CPED1: variants seen among roughly 807,000 people sequenced by gnomAD.
CPED1 encodes the protein cadherin like and PC-esterase domain containing 1.
Under a neutral mutation model 128.2 loss-of-function variants are expected in CPED1, and 114 were observed. That is an observed-to-expected ratio of 0.89 (90% CI 0.76 to 1.04). The LOEUF (loss-of-function observed/expected upper bound fraction) is 1.04. Among genes scored for constraint, CPED1 ranks in the 50% least tolerant of loss-of-function variants. The pLI, the probability that CPED1 is intolerant of heterozygous loss-of-function variation, is 0.00. For synonymous variants in CPED1, 462 were observed against 426.7 expected, an observed-to-expected ratio of 1.08 and a Z score of -1.02; for missense variants, 1,211 against 1,207.1, an observed-to-expected ratio of 1.00 and a Z score of -0.05.
chr7:121,016,834 GGGA>G (rs1178634318), intron 3 of CPED1, among the ~76,000 whole-genome samples: 3 of 152,128 alleles, frequency 2.0e-5, no homozygotes, highest in African/African-American at 7.2e-5. Flanking sequence ...TTATTAAAAG[GGGA>G]GGAGGAGAAG....
chr7:121,185,257 G>A (rs1796977313), intron 16 of CPED1, among the ~76,000 whole-genome samples: 1 of 152,082 alleles, frequency 6.6e-6, no homozygotes, highest in African/African-American at 2.4e-5. Context: ...TGAAATTATA[G>A]CAAATGCTGT....
intron 16 of CPED1, among the ~76,000 whole-genome samples, chr7:121,161,702 A>G (rs1796415825): frequency 6.6e-6 from 1 of 152,150 alleles, no homozygotes; most frequent in South Asian, 2.1e-4. Flanking sequence ...GCAAATCTAC[A>G]TTTCCCTGGG....
chr7:121,019,578 C>A (rs972964490), intron 3 of CPED1, among the ~76,000 whole-genome samples: 1 of 152,002 alleles, frequency 6.6e-6, no homozygotes. Flanking sequence ...TAAAACAATG[C>A]AACAGTCTGC....
chr7:121,281,725 T>G (rs1792468938), intron 22 of CPED1, among the ~76,000 whole-genome samples: 1 of 152,194 alleles, frequency 6.6e-6, no homozygotes, highest in African/African-American at 2.4e-5. Flanking sequence ...ATAGTCAGTA[T>G]ATTTAAAATA....
At chr7:121,036,164 C>T (rs747019848) in intron 3 of CPED1, among the ~76,000 whole-genome samples, 2 of 152,050 alleles carry the variant, frequency 1.3e-5, no homozygotes, top group South Asian at 2.1e-4. Flanking sequence ...GAACAGGTGG[C>T]ATTTGGTTAC....
chr7:121,075,247 C>T (rs780146643), intron 5 of CPED1, among the ~76,000 whole-genome samples: 1 of 152,054 alleles, frequency 6.6e-6, no homozygotes, highest in Non-Finnish European at 1.5e-5. Context: ...TGACAAATTG[C>T]TCAGGAGAAA....
chr7:121,027,739 T>TTAG (rs1792627456), intron 3 of CPED1, among the ~76,000 whole-genome samples: 1 of 110,992 alleles, frequency 9.0e-6, no homozygotes, highest in Admixed American at 9.1e-5. Context: ...ATTATAACCT[T>TTAG]TAGTAATAAT....
At chr7:121,157,673 A>G (rs1453868658) in intron 16 of CPED1, among the ~76,000 whole-genome samples, 1 of 152,166 alleles carries the variant, frequency 6.6e-6, no homozygotes, top group Non-Finnish European at 1.5e-5. Flanking sequence ...TTGCCAGTCA[A>G]TGAACTTTGC....
chr7:121,082,057 GA>G (rs1484502564), intron 5 of CPED1, among the ~76,000 whole-genome samples: 1 of 152,156 alleles, frequency 6.6e-6, no homozygotes, highest in Non-Finnish European at 1.5e-5. Context: ...AGTGATGGCA[GA>G]AATCAGGAAT....
chr7:121,175,354 T>C (rs915994285), intron 16 of CPED1, among the ~76,000 whole-genome samples: 2 of 152,104 alleles, frequency 1.3e-5, no homozygotes, highest in African/African-American at 4.8e-5. Context: ...TGTGGATCTG[T>C]CATAGATGGC....
At chr7:121,088,819 T>A (rs1276341246) in intron 5 of CPED1, among the ~76,000 whole-genome samples, 1 of 126,136 alleles carries the variant, frequency 7.9e-6, no homozygotes, top group African/African-American at 2.9e-5. Context: ...CTCATTAACA[T>A]CTTTAAAGAC....
At chr7:121,217,929 G>A (rs13228215) in intron 16 of CPED1, among the ~76,000 whole-genome samples, 14,368 of 151,456 alleles carry the variant, frequency 0.095, 846 homozygotes, top group South Asian at 0.17. Context: ...ATATAGGTGT[G>A]TTTGTGTAGC....
At chr7:120,995,264 C>T (rs1585005837) in intron 2 of CPED1, among the ~76,000 whole-genome samples, 2 of 152,168 alleles carry the variant, frequency 1.3e-5, no homozygotes, top group Non-Finnish European at 2.9e-5. Flanking sequence ...ATTACCAAAT[C>T]TAATGAGATC....
chr7:121,248,344 C>T (rs1220871971), intron 18 of CPED1, among the ~76,000 whole-genome samples: 1 of 152,066 alleles, frequency 6.6e-6, no homozygotes, highest in Non-Finnish European at 1.5e-5. Flanking sequence ...GATCACCTAA[C>T]AAAAGAAATG....
At chr7:121,047,707 T>TCCTCCTCC (rs1793246255) in intron 4 of CPED1, among the ~76,000 whole-genome samples, 2 of 59,476 alleles carry the variant, frequency 3.4e-5, no homozygotes, top group African/African-American at 1.4e-4. Flanking sequence ...CTTCTTCTTC[T>TCCTCCTCC]TCTTCTTCTT....
At chr7:121,058,957 C>T (rs1793580834) in intron 4 of CPED1, among the ~76,000 whole-genome samples, 1 of 152,136 alleles carries the variant, frequency 6.6e-6, no homozygotes. Context: ...AATTTTAGAG[C>T]TTAATGAAAA....
intron 4 of CPED1, chr7:121,051,722 CGTT>C: frequency 4.1e-6 from 1 of 241,678 alleles, no homozygotes; most frequent in Non-Finnish European, 8.1e-6. Flanking sequence ...TTCCTAATAA[CGTT>C]GTTATGCTGT....
rs148403714 is a variant in CPED1 at position 121,074,611 on chromosome 7, C to T, written c.616+10298C>T. On this transcript the variant is annotated intron_variant, in intron 5 of 22. Transcript: ENST00000310396. ...ATTTTCTTAATGGTGTCTGGGAACT[C>T]GTCTGCTGCCTCTTAGTTGGCAGAA... Among the ~76,000 whole-genome samples, 288 of 139,918 alleles carry T rather than the reference C, an allele frequency of 2.1e-3. 1 individual carries two copies. Among genetic ancestry groups the T allele is most frequent in the South Asian group, 8.3e-3 (36 of 4,358 alleles). The allele number at this position is 139,918 out of a possible 152,430, so 91.8% of individuals were successfully genotyped here.
chr7:121,015,911 A>G (rs1792290494), intron 3 of CPED1, 63 bp downstream of exon 3: 1 of 1,162,544 alleles, frequency 8.6e-7, no homozygotes, highest in Middle Eastern at 2.3e-4. Context: ...AATTTCTAGA[A>G]TGTGCTACTA....
Sources: gnomAD v4.1 joint callset for allele counts (sites outside exome capture counted in the v4.1 genomes callset) on GRCh38, gnomAD v4.1.1 for gene constraint, MANE v1.5 for transcripts, NCBI Gene and HGNC (gene_info 2026-07-23, HGNC 2026-07-21) for gene names.